The following ALG13 variants were observed in gnomAD, a reference collection of about 807,000 sequenced individuals.
ALG13 encodes ALG13 UDP-N-acetylglucosaminyltransferase subunit.
Under a neutral mutation model 87.8 loss-of-function variants are expected in ALG13, and 11 were observed. The ratio of observed to expected loss-of-function variants is 0.13; its 90% CI spans 0.08 to 0.21. ALG13 has a LOEUF of 0.21. ALG13 is among the 10% of genes least tolerant of loss of function. The probability of loss-of-function intolerance (pLI) is 1.00; values close to 1 mark genes in which losing one functional copy is unlikely to be tolerated. For missense variants in ALG13, 756 were observed against 866.1 expected, an observed-to-expected ratio of 0.87 and a Z score of 1.60; for synonymous variants, 320 against 306.3, an observed-to-expected ratio of 1.04 and a Z score of -0.47.
At chrX:111,688,878 AC>A in intron 3 of ALG13, 2 of 752,585 alleles carry the variant, frequency 2.7e-6, no homozygotes, top group Non-Finnish European at 3.1e-6. Context: ...TGGTCTCAAG[AC>A]CTTTACAGTA....
chrX:111,739,362 C>A (rs916319694), intron 23 of ALG13, among the ~76,000 whole-genome samples: 1 of 112,221 alleles, frequency 8.9e-6, no homozygotes, highest in African/African-American at 3.2e-5. Context: ...ACTCAGTTTA[C>A]AATTCAAGAT....
intron 24 of ALG13, among the ~76,000 whole-genome samples, chrX:111,747,176 A>G (rs915304812): frequency 5.4e-5 from 6 of 111,816 alleles, no homozygotes; most frequent in Admixed American, 9.5e-5. Context: ...ATAGCATCAC[A>G]TGGATGCTAT....
At chrX:111,756,800 C>G (rs1945294968) in intron 25 of ALG13, among the ~76,000 whole-genome samples, 1 of 111,864 alleles carries the variant, frequency 8.9e-6, no homozygotes, top group Non-Finnish European at 1.9e-5. Flanking sequence ...TAGTACACAT[C>G]TATAAATTAA....
At chrX:111,745,055 A>G (rs1340834546) in intron 24 of ALG13, among the ~76,000 whole-genome samples, 151 bp downstream of exon 24, 1 of 111,416 alleles carries the variant, frequency 9.0e-6, no homozygotes. Flanking sequence ...GAAAGGAGCA[A>G]TTAAAAGCTG....
At chrX:111,687,831 G>A in intron 3 of ALG13, 1 of 1,072,760 alleles carries the variant, frequency 9.3e-7, no homozygotes, top group Admixed American at 3.3e-5. Flanking sequence ...GTGGGCAGCA[G>A]ATGAAGTATG....
At chrX:111,717,139 G>A (rs927833705) in intron 8 of ALG13, 4 of 109,932 alleles carry the variant, frequency 3.6e-5, no homozygotes, top group Non-Finnish European at 7.6e-5. Flanking sequence ...GAAAGGTTTT[G>A]GAACAGTTAT....
At chrX:111,744,084 G>C (rs1890768385) in intron 23 of ALG13, among the ~76,000 whole-genome samples, 1 of 111,282 alleles carries the variant, frequency 9.0e-6, no homozygotes, top group African/African-American at 3.3e-5. Context: ...CTAAGCTATA[G>C]TAACAGGTAT....
intron 13 of ALG13, among the ~76,000 whole-genome samples, 168 bp from the exon 14 acceptor site, chrX:111,723,630 A>G (rs867948465): frequency 8.9e-6 from 1 of 111,955 alleles, no homozygotes; most frequent in Non-Finnish European, 1.9e-5. Flanking sequence ...TAGTGATTAG[A>G]TGTAAGGTTC....
At chrX:111,693,164 CTTTTTTTTTT>C (rs61239915) in intron 3 of ALG13, among the ~76,000 whole-genome samples, 2 of 55,117 alleles carry the variant, frequency 3.6e-5, no homozygotes, top group South Asian at 1.0e-3. Context: ...GTTTTTAATT[CTTTTTTTTTT>C]TTTTTTTTTT....
At chrX:111,681,666 T>C (rs1933296985) in intron 1 of ALG13, 1 of 893,272 alleles carries the variant, frequency 1.1e-6, no homozygotes, top group Non-Finnish European at 1.4e-6. Context: ...CAGTTTTTCC[T>C]CAGGCCCCCC....
At chrX:111,691,281 A>G (rs980200525) in intron 3 of ALG13, among the ~76,000 whole-genome samples, 4 of 110,024 alleles carry the variant, frequency 3.6e-5, no homozygotes, top group African/African-American at 1.3e-4. Context: ...TTGTATTTTT[A>G]GTAGAGACTG....
At chrX:111,682,838 TGAATC>T (rs1372597543) in intron 2 of ALG13, among the ~76,000 whole-genome samples, 1 of 111,852 alleles carries the variant, frequency 8.9e-6, no homozygotes, top group Non-Finnish European at 1.9e-5. Context: ...GTGAGTGAAA[TGAATC>T]CAGTCAAAAA....
chrX:111,717,121 A>C (rs1940725916), intron 8 of ALG13: 1 of 110,622 alleles, frequency 9.0e-6, no homozygotes, highest in Non-Finnish European at 1.9e-5. Context: ...TTTTTCAACA[A>C]AAATTCAGAA....
chrX:111,711,611 G>A (rs1226889125), intron 5 of ALG13, 64 bp from the exon 6 acceptor site: 1 of 1,044,561 alleles, frequency 9.6e-7, no homozygotes, highest in Non-Finnish European at 1.3e-6. Flanking sequence ...GGATAATGTA[G>A]AATATAATCA....
chrX:111,722,742 T>C (rs963609135), intron 12 of ALG13, 51 bp from the exon 13 acceptor site: 60 of 882,222 alleles, frequency 6.8e-5, no homozygotes, highest in East Asian at 6.6e-5. Context: ...TTAAATGATA[T>C]AGGAAAGGAA....
chrX:111,732,993 A>G (rs1004842170), intron 21 of ALG13, among the ~76,000 whole-genome samples: 1 of 111,431 alleles, frequency 9.0e-6, no homozygotes, highest in Non-Finnish European at 1.9e-5. Flanking sequence ...GAATTTAAAC[A>G]ACCTCAATAG....
intron 24 of ALG13, 59 bp downstream of exon 24, chrX:111,744,963 A>G (rs1944107621): frequency 8.0e-6 from 8 of 994,940 alleles, no homozygotes; most frequent in Non-Finnish European, 1.1e-5. Flanking sequence ...TTGTTAGAGC[A>G]TATCTCTCTT....
At chrX:111,710,987 AC>A (rs1939681918) in intron 5 of ALG13, 1 of 112,462 alleles carries the variant, frequency 8.9e-6, no homozygotes, top group African/African-American at 3.2e-5. Flanking sequence ...GTGAGCCACA[AC>A]ACCCAGCCTG....
At chrX:111,734,520 G>C (rs1943045803) in intron 21 of ALG13, 1 of 112,466 alleles carries the variant, frequency 8.9e-6, no homozygotes, top group Non-Finnish European at 1.9e-5. Flanking sequence ...TGCTGGTAGA[G>C]TTTTTGCTGC....
Sources: allele counts gnomAD v4.1 joint callset (sites outside exome capture counted in the v4.1 genomes callset), GRCh38; gene constraint gnomAD v4.1.1; transcripts MANE v1.5; gene names NCBI Gene and HGNC (gene_info 2026-07-23, HGNC 2026-07-21).